Variants in ADK observed in about 807,000 individuals in gnomAD.
ADK encodes N6,N6-dimethyladenosine kinase.
ADK carries 24 observed loss-of-function variants against 44.7 expected under a neutral mutation model. The observed-to-expected ratio is 0.54, with a 90% CI of 0.39 to 0.76. The LOEUF (loss-of-function observed/expected upper bound fraction) is 0.76. Ranked by LOEUF, ADK falls within the 30% of genes least tolerant of loss-of-function variation. The pLI is 0.00. For missense variants in ADK, 321 were observed against 425.1 expected (o/e 0.76, Z 2.15); for synonymous variants, 128 against 142.6 (o/e 0.90, Z 0.73).
At chr10:74,603,147 G>T (rs1852198200) in intron 9 of ADK, among the ~76,000 whole-genome samples, 1 of 152,114 alleles carries the variant, frequency 6.6e-6, no homozygotes, top group Admixed American at 6.6e-5. Context: ...ACTAATGGAA[G>T]ATAGGGAGGG....
At chr10:74,344,539 C>T (rs970472564) in intron 4 of ADK, 28 of 240,150 alleles carry the variant, frequency 1.2e-4, no homozygotes, top group Non-Finnish European at 2.4e-4. Context: ...TCTAGGACTT[C>T]TCTATCATGG....
At chr10:74,319,623 T>A (rs938885055) in intron 4 of ADK, among the ~76,000 whole-genome samples, 3 of 152,220 alleles carry the variant, frequency 2.0e-5, no homozygotes, top group Admixed American at 1.3e-4. Flanking sequence ...TGGAGGGGTG[T>A]TTATAATTCA....
intron 6 of ADK, among the ~76,000 whole-genome samples, chr10:74,430,145 C>CTT (rs1844932350): frequency 6.6e-6 from 1 of 152,040 alleles, no homozygotes; most frequent in Admixed American, 6.6e-5. Flanking sequence ...TGTGTCCAAG[C>CTT]TTTTTTTAAT....
intron 6 of ADK, among the ~76,000 whole-genome samples, chr10:74,492,717 T>A (rs1847532138): frequency 6.6e-6 from 1 of 152,222 alleles, no homozygotes; most frequent in African/African-American, 2.4e-5. Context: ...AAGTTTTTTT[T>A]ATGTTTCCTT....
intron 4 of ADK, among the ~76,000 whole-genome samples, chr10:74,349,331 G>A (rs1026251604): frequency 6.6e-6 from 1 of 152,128 alleles, no homozygotes; most frequent in African/African-American, 2.4e-5. Flanking sequence ...ATAAGCTAAG[G>A]AGAAATAAAA....
At chr10:74,551,923 C>T (rs1415212040) in intron 7 of ADK, among the ~76,000 whole-genome samples, 2 of 152,126 alleles carry the variant, frequency 1.3e-5, no homozygotes, top group East Asian at 3.9e-4. Context: ...GCATATACTC[C>T]CATGTACTTT....
intron 2 of ADK, among the ~76,000 whole-genome samples, chr10:74,216,817 A>G (rs570324947): frequency 3.9e-5 from 6 of 152,328 alleles, no homozygotes; most frequent in African/African-American, 1.2e-4. Flanking sequence ...AGGCAATAGA[A>G]TAGTGTATAG....
intron 7 of ADK, among the ~76,000 whole-genome samples, chr10:74,542,220 G>C (rs567130831): frequency 6.6e-6 from 1 of 152,310 alleles, no homozygotes; most frequent in African/African-American, 2.4e-5. Context: ...CGAGATGACT[G>C]CAGCCCTGGT....
chr10:74,155,012 A>G (rs533507996), intron 1 of ADK, among the ~76,000 whole-genome samples: 1 of 152,356 alleles, frequency 6.6e-6, no homozygotes, highest in South Asian at 2.1e-4. Context: ...GACATTAGCA[A>G]TTAAGGATTA....
chr10:74,351,088 A>C (rs1053822021), intron 4 of ADK, among the ~76,000 whole-genome samples: 11 of 152,204 alleles, frequency 7.2e-5, no homozygotes, highest in Non-Finnish European at 1.6e-4. Context: ...TGAAGCCAGC[A>C]TCATCCTGAT....
chr10:74,167,323 A>T (rs1167401341), intron 1 of ADK, among the ~76,000 whole-genome samples: 1 of 152,310 alleles, frequency 6.6e-6, no homozygotes, highest in East Asian at 1.9e-4. Flanking sequence ...TGTATTTTTC[A>T]CACAGTTTGG....
chr10:74,510,080 A>G (rs1446547188), intron 6 of ADK, among the ~76,000 whole-genome samples: 3 of 152,202 alleles, frequency 2.0e-5, no homozygotes, highest in Non-Finnish European at 4.4e-5. Flanking sequence ...AATGATTTCC[A>G]TTCCTTTGGA....
intron 1 of ADK, among the ~76,000 whole-genome samples, chr10:74,192,117 C>T (rs1842970471): frequency 6.6e-6 from 1 of 152,046 alleles, no homozygotes; most frequent in South Asian, 2.1e-4. Context: ...ATAGTTCATT[C>T]CTTTTTATTG....
intron 4 of ADK, among the ~76,000 whole-genome samples, chr10:74,387,481 G>A (rs1843184234): frequency 6.6e-6 from 1 of 152,086 alleles, no homozygotes; most frequent in Admixed American, 6.5e-5. Context: ...CATCCTAGGG[G>A]CACCATGATA....
chr10:74,520,383 G>T (rs576849579), intron 6 of ADK, among the ~76,000 whole-genome samples: 1 of 150,932 alleles, frequency 6.6e-6, no homozygotes. Flanking sequence ...ATTTTACATA[G>T]GTTTATTTCC....
At chr10:74,294,941 C>T (rs1259061231) in intron 3 of ADK, among the ~76,000 whole-genome samples, 1 of 151,994 alleles carries the variant, frequency 6.6e-6, no homozygotes, top group Non-Finnish European at 1.5e-5. Context: ...CTGCAGCCTC[C>T]GCCTCCTGGG....
chr10:74,172,321 C>G (rs1267034385), intron 1 of ADK, among the ~76,000 whole-genome samples: 1 of 151,840 alleles, frequency 6.6e-6, no homozygotes, highest in Non-Finnish European at 1.5e-5. Flanking sequence ...GGTTTTGAAC[C>G]CCTAGGCTCA....
chr10:74,597,240 A>G (rs1368299111), intron 8 of ADK, among the ~76,000 whole-genome samples: 1 of 152,178 alleles, frequency 6.6e-6, no homozygotes, highest in Admixed American at 6.5e-5. Context: ...CATCCTCACA[A>G]TTTTTAACTT....
chr10:74,676,931 C>T (rs1276279594), intron 10 of ADK, among the ~76,000 whole-genome samples: 2 of 152,144 alleles, frequency 1.3e-5, no homozygotes, highest in African/African-American at 4.8e-5. Flanking sequence ...TATTTCCCAT[C>T]TAATAAAAAG....
Sources: gnomAD v4.1 joint callset for allele counts (sites outside exome capture counted in the v4.1 genomes callset) on GRCh38, gnomAD v4.1.1 for gene constraint, MANE v1.5 for transcripts, NCBI Gene and HGNC (gene_info 2026-07-23, HGNC 2026-07-21) for gene names.